The following ICA1 variants were observed in gnomAD, a reference collection of about 807,000 sequenced individuals.
ICA1 encodes 69 kDa islet cell autoantigen.
A neutral mutation model predicts 71.0 loss-of-function variants in ICA1; 40 were observed. The ratio of observed to expected loss-of-function variants is 0.56; its 90% CI spans 0.44 to 0.73. ICA1 has a LOEUF of 0.73. Ranked by LOEUF, ICA1 falls within the 30% of genes least tolerant of loss-of-function variation. The pLI is 0.00. For missense variants in ICA1, 578 were observed against 576.5 expected, an observed-to-expected ratio of 1.00 and a Z score of -0.03; for synonymous variants, 207 against 209.5, an observed-to-expected ratio of 0.99 and a Z score of 0.10.
rs190405408 is a variant in ICA1 at position 8,132,675 on chromosome 7, C to T, written c.1061-4533G>A. Among the ~76,000 whole-genome samples the T allele has an allele frequency of 6.6e-6, 1 of 152,320 alleles. No individual in the cohort carries two copies. The highest frequency in any genetic ancestry group is 1.5e-5 in the Non-Finnish European group (1 of 68,020). On this transcript the variant is annotated intron_variant, in intron 12 of 13. Transcript: ENST00000402384. This position sits in a 1 kb window ranked among gnomAD's most constrained non-coding sequence, Gnocchi z 4.5. ...TGACCTCCCATCTCCCTGACAGTAC[C>T]TTCTCCACTGCCTCCTCCTATTCTG...
At chr7:8,224,570 C>T (rs945767070) in intron 4 of ICA1, among the ~76,000 whole-genome samples, 2 of 152,198 alleles carry the variant, frequency 1.3e-5, no homozygotes, top group African/African-American at 4.8e-5. Context: ...TCTTCCCTAG[C>T]ATCCCCTTAT....
chr7:8,190,218 GT>G lies in ICA1; in HGVS notation c.579+28086del, dbSNP rs1287043262. ...TAAATTGAATTCTCAGTTTCTTCCA[GT>G]TTTTTTTTTTTCCGCAGTCAGATTA... On this transcript the variant is annotated intron_variant, in intron 6 of 13. Transcript: ENST00000402384. Among the ~76,000 whole-genome samples the G allele has an allele frequency of 2.5e-3, 371 of 147,424 alleles. 1 individual carries two copies. The highest frequency in any genetic ancestry group is 5.9e-3 in the African/African-American group (239 of 40,492).
chr7:8,113,929 A>C lies in ICA1; in HGVS notation c.1446T>G (p.Asn482Lys), dbSNP rs1396455534. ...GKTDKEHELL[N>K]A ...CCTCCCGAAGGGTACAGATTCATGC[A>C]TTGAGCAATTCGTGTTCTTTATCGG... is the stretch of plus-strand genomic sequence containing the variant. The change falls in exon 14 of 14, where the codon AAT (asparagine) becomes AAG (lysine). Residue 482 changes from asparagine (N) to lysine (K), a missense_variant. Coordinates refer to ENST00000402384, the MANE Select transcript of ICA1 (RefSeq NM_001136020.3). This position sits in a 1 kb window ranked among gnomAD's most constrained non-coding sequence, Gnocchi z 4.2. The C allele has an allele frequency of 1.2e-6, 2 of 1,614,166 alleles. No individual in the cohort carries two copies. The highest frequency in any genetic ancestry group is 2.2e-5 in the South Asian group (2 of 91,080).
At chr7:8,192,908 C>T (rs1253267239) in intron 6 of ICA1, among the ~76,000 whole-genome samples, 1 of 152,232 alleles carries the variant, frequency 6.6e-6, no homozygotes, top group Non-Finnish European at 1.5e-5. Flanking sequence ...TTTGACAAGT[C>T]CCCCTTATTC....
chr7:8,142,906 A>T (rs1795701857), intron 9 of ICA1, among the ~76,000 whole-genome samples: 1 of 152,240 alleles, frequency 6.6e-6, no homozygotes, highest in South Asian at 2.1e-4. Flanking sequence ...TTCATTCTGC[A>T]TCAAAAAATT....
chr7:8,216,190 T>C (rs1376192820), intron 6 of ICA1, among the ~76,000 whole-genome samples: 1 of 152,250 alleles, frequency 6.6e-6, no homozygotes, highest in Admixed American at 6.5e-5. Flanking sequence ...AATCAGTGCC[T>C]GGAATCTTGT....
intron 6 of ICA1, among the ~76,000 whole-genome samples, chr7:8,204,297 C>T (rs1790757436): frequency 6.6e-6 from 1 of 152,236 alleles, no homozygotes; most frequent in African/African-American, 2.4e-5. Flanking sequence ...GAGAAGAGCA[C>T]TGACTCTAGA....
At chr7:8,230,572 T>C (rs555066259) in intron 3 of ICA1, among the ~76,000 whole-genome samples, 2 of 152,358 alleles carry the variant, frequency 1.3e-5, no homozygotes, top group Admixed American at 1.3e-4. Flanking sequence ...CTATTTTGAT[T>C]AAGGTACATT....
At chr7:8,180,858 A>G (rs1782006338) in intron 6 of ICA1, among the ~76,000 whole-genome samples, 1 of 146,644 alleles carries the variant, frequency 6.8e-6, no homozygotes, top group African/African-American at 2.5e-5. Flanking sequence ...TTTGAGTTGT[A>G]GAACTTCTTT....
At chr7:8,125,456 C>G (rs1021592856) in intron 13 of ICA1, among the ~76,000 whole-genome samples, 11 of 152,202 alleles carry the variant, frequency 7.2e-5, no homozygotes, top group Non-Finnish European at 1.2e-4. Context: ...TCCTGCAAGT[C>G]TCTGCTCAGA....
intron 6 of ICA1, among the ~76,000 whole-genome samples, chr7:8,188,452 G>C (rs1351571040): frequency 6.6e-6 from 1 of 152,252 alleles, no homozygotes; most frequent in East Asian, 1.9e-4. Context: ...CATAATGTCC[G>C]ATATCAAGGC....
In ICA1 at chr7:8,146,857, T is replaced by TAC. The variant is rs112979260; in HGVS notation, c.805-2887_805-2886dup. Among the ~76,000 whole-genome samples the TAC allele has an allele frequency of 0.015, 1,894 of 125,398 alleles. 62 individuals are homozygous for TAC. The East Asian group carries it at 0.18, about 12-fold the overall frequency. The allele number at this position is 125,398 out of a possible 152,430, so 82.3% of individuals were successfully genotyped here. On this transcript the variant is annotated intron_variant, in intron 8 of 13. Coordinates refer to ENST00000402384, the MANE Select transcript of ICA1 (RefSeq NM_001136020.3). ...TGCCAATTACAGCATTTTATTCATG[T>TAC]ACACACACACACACACACACACACG...
intron 6 of ICA1, among the ~76,000 whole-genome samples, chr7:8,182,159 T>C (rs1782392784): frequency 1.3e-5 from 2 of 152,270 alleles, no homozygotes; most frequent in East Asian, 3.9e-4. Context: ...CTACTAACTA[T>C]ACACTCTTCA....
At chr7:8,224,294 C>T (rs1485771532) in intron 4 of ICA1, among the ~76,000 whole-genome samples, 1 of 152,014 alleles carries the variant, frequency 6.6e-6, no homozygotes, top group African/African-American at 2.4e-5. Context: ...AGCAGGAACA[C>T]CCAGTGCAAA....
chr7:8,180,070 GT>G (rs965171223), intron 6 of ICA1, among the ~76,000 whole-genome samples: 54 of 151,486 alleles, frequency 3.6e-4, no homozygotes, highest in African/African-American at 1.2e-3. Flanking sequence ...AAAATATACA[GT>G]TTTTTTTGCT....
chr7:8,146,179 G>A (rs1050192005), intron 8 of ICA1, among the ~76,000 whole-genome samples: 1 of 152,156 alleles, frequency 6.6e-6, no homozygotes, highest in African/African-American at 2.4e-5. Context: ...GCTAGCGATG[G>A]GTCTAGGCAG....
chr7:8,214,410 G>C (rs779971889), intron 6 of ICA1, among the ~76,000 whole-genome samples: 1 of 152,260 alleles, frequency 6.6e-6, no homozygotes, highest in South Asian at 2.1e-4. Flanking sequence ...AAAATACCTC[G>C]TGGTCTTGGG....
chr7:8,120,188 G>A (rs542873727), intron 13 of ICA1, among the ~76,000 whole-genome samples: 1 of 152,162 alleles, frequency 6.6e-6, no homozygotes, highest in African/African-American at 2.4e-5. Context: ...CCCGTAGTGT[G>A]AGGCAGAAAC....
At chr7:8,213,331 T>C (rs1583314348) in intron 6 of ICA1, among the ~76,000 whole-genome samples, 1 of 152,306 alleles carries the variant, frequency 6.6e-6, no homozygotes, top group African/African-American at 2.4e-5. Flanking sequence ...CTGAGAGATA[T>C]TAGCGCTTAA....
Sources: gnomAD v4.1 joint callset for allele counts (sites outside exome capture counted in the v4.1 genomes callset) on GRCh38, gnomAD v4.1.1 for gene constraint, Gnocchi (gnomAD v3.1) non-coding constraint, MANE v1.5 for transcripts, NCBI Gene and HGNC (gene_info 2026-07-23, HGNC 2026-07-21) for gene names.